CSE1L: variants seen among roughly 807,000 people sequenced by gnomAD.
CSE1L encodes chromosome segregation 1 like, also known as exportin-2.
In CSE1L, 24 loss-of-function variants were observed where a neutral mutation model predicts 120.4. The ratio of observed to expected loss-of-function variants is 0.20; its 90% CI spans 0.14 to 0.28. CSE1L has a LOEUF of 0.28. Among genes scored for constraint, CSE1L ranks in the 10% least tolerant of loss-of-function variants. The pLI is 1.00. For missense variants in CSE1L, 830 were observed against 1,145.2 expected, an observed-to-expected ratio of 0.72 and a Z score of 3.97; for synonymous variants, 402 against 398.3, an observed-to-expected ratio of 1.01 and a Z score of -0.11.
rs1409346355 is a variant in CSE1L at position 49,066,497 on chromosome 20, T to G, written c.463T>G (p.Ser155Ala). Residue 155 changes from serine to alanine, a missense_variant, in exon 5 of 25, where the codon TCA becomes GCA. Coordinates refer to ENST00000262982, the MANE Select transcript of CSE1L (RefSeq NM_001316.4). ...VINGVLRTAH[S>A]LFKRYRHEFK... Reference sequence around the variant, plus strand: ...TAATGGAGTCCTCCGTACAGCACATTCATTATTTAAAAGGTATTGATGCAT... The same window carrying G: ...TAATGGAGTCCTCCGTACAGCACATGCATTATTTAAAAGGTATTGATGCAT... 6.2e-7 allele frequency: 1 copy of G among 1,610,852 alleles called. No individual in the cohort carries two copies. The highest frequency in any genetic ancestry group is 8.5e-7 in the Non-Finnish European group (1 of 1,178,926).
At chr20:49,093,805 TACTC>T (rs1452483669) in intron 22 of CSE1L, among the ~76,000 whole-genome samples, 3 of 151,822 alleles carry the variant, frequency 2.0e-5, no homozygotes, top group African/African-American at 7.3e-5. Flanking sequence ...TAATCCCACC[TACTC>T]AGGGGGCTGA....
At chr20:49,061,362 C>T (rs2091851485) in intron 2 of CSE1L, among the ~76,000 whole-genome samples, 1 of 150,780 alleles carries the variant, frequency 6.6e-6, no homozygotes, top group Non-Finnish European at 1.5e-5. Flanking sequence ...TTAGTAGAGA[C>T]AGGGTTTCAC....
chr20:49,062,203 C>T (rs934099450), intron 2 of CSE1L, among the ~76,000 whole-genome samples: 18 of 152,232 alleles, frequency 1.2e-4, no homozygotes, highest in Admixed American at 7.2e-4. Context: ...ATAGTATGTC[C>T]CCTCCTGAAA....
intron 24 of CSE1L, among the ~76,000 whole-genome samples, chr20:49,095,735 T>C (rs370514648): frequency 2.0e-5 from 3 of 152,144 alleles, no homozygotes; most frequent in Admixed American, 6.6e-5. Context: ...TGATAAAATA[T>C]ATATTTTTCA....
intron 14 of CSE1L, among the ~76,000 whole-genome samples, chr20:49,080,400 T>C (rs942813593): frequency 6.6e-6 from 1 of 152,050 alleles, no homozygotes; most frequent in African/African-American, 2.4e-5. Context: ...TTTTTAATGA[T>C]GTTAAGACAG....
intron 13 of CSE1L, among the ~76,000 whole-genome samples, 167 bp downstream of exon 13, chr20:49,077,231 C>T (rs1181354446): frequency 6.8e-6 from 1 of 146,650 alleles, no homozygotes; most frequent in Non-Finnish European, 1.5e-5. Context: ...ACAGTCTCTG[C>T]TCACTGCAAC....
In CSE1L at chr20:49,092,442, T is replaced by G. The variant is rs546858871; in HGVS notation, c.2447+315T>G. Among the ~76,000 whole-genome samples, 4 of 152,070 alleles carry G rather than the reference T, an allele frequency of 2.6e-5. No individual in the cohort carries two copies. In the East Asian group the frequency reaches 7.7e-4, roughly 29 times the overall value. On this transcript the variant is annotated intron_variant, in intron 22 of 24. Transcript: ENST00000262982. Reference sequence around the variant, plus strand: ...AAACACCCTGGAATCATTGTTCTAATCCTCTAGATTAGAGGACCATCTACT... The same window carrying G: ...AAACACCCTGGAATCATTGTTCTAAGCCTCTAGATTAGAGGACCATCTACT...
At position 49,077,153 on chromosome 20, in the gene CSE1L, C is replaced by CTTTTTT. The variant is rs11439721; in HGVS notation, c.1420+103_1420+108dup. The CTTTTTT allele has an allele frequency of 1.7e-4, 68 of 402,510 alleles. 1 individual carries two copies. Among genetic ancestry groups the CTTTTTT allele is most frequent in the African/African-American group, 3.1e-4 (12 of 38,546 alleles). The allele number at this position is 402,510 out of a possible 1,614,324, so 24.9% of individuals were successfully genotyped here. On this transcript the variant is annotated intron_variant, in intron 13 of 24. Transcript: ENST00000262982. ...CTTCCTATCCTTGTTCCCTTTTGTTCTTTTTTTTTTTTTTTTTTTCTTTTG... is the reference window on the plus strand; with the variant it reads ...CTTCCTATCCTTGTTCCCTTTTGTTCTTTTTTTTTTTTTTTTTTTTTTTTTCTTTTG...
chr20:49,049,611 C>T (rs1296629102), intron 1 of CSE1L, among the ~76,000 whole-genome samples: 1 of 152,082 alleles, frequency 6.6e-6, no homozygotes, highest in Non-Finnish European at 1.5e-5. Flanking sequence ...AGAGCTTGAT[C>T]TTGTTGATAA....
intron 8 of CSE1L, among the ~76,000 whole-genome samples, chr20:49,071,185 G>T (rs1017088816): frequency 2.6e-5 from 4 of 152,198 alleles, no homozygotes; most frequent in Non-Finnish European, 4.4e-5. Context: ...CAGGTTTTAA[G>T]AGTGGGGTAC....
chr20:49,078,531 G>GTAAC, intron 13 of CSE1L, 30 bp from the exon 14 acceptor site: 1 of 1,485,692 alleles, frequency 6.7e-7, no homozygotes, highest in Non-Finnish European at 9.2e-7. Context: ...TACCACTTAA[G>GTAAC]TAACTGTGGC....
rs565054477 is a variant in CSE1L at position 49,094,973 on chromosome 20, T to C, written c.2826+10T>C. On this transcript the variant is annotated intron_variant, in intron 24 of 24. Coordinates refer to ENST00000262982, the MANE Select transcript of CSE1L (RefSeq NM_001316.4). ...CGCCTGTCCAGGAAGGGTAAGTGTG[T>C]TGTCAAAGAACTCTGTGATAAATGG... The C allele has an allele frequency of 5.0e-6, 8 of 1,605,190 alleles. No homozygotes were observed. In the African/African-American group the frequency reaches 8.0e-5, roughly 16 times the overall value.
At position 49,096,554 on chromosome 20, in the gene CSE1L, C is replaced by CTTA; in HGVS notation, c.*118_*119insATT. On this transcript the variant is annotated 3_prime_UTR_variant, in exon 25 of 25. Coordinates refer to ENST00000262982, the MANE Select transcript of CSE1L (RefSeq NM_001316.4). ...CTTTTGAACTTGTCACGAATTCCAT[C>CTTA]TTGTAAAGGATATTAAATGTTGCTT... 6 of 768,392 alleles carry CTTA rather than the reference C, an allele frequency of 7.8e-6. No homozygotes were observed. The South Asian group carries it at 9.7e-5, about 12-fold the overall frequency. 47.6% of individuals were successfully genotyped at this position (768,392 alleles called of 1,614,324 possible).
At chr20:49,076,623 G>A (rs2426117) in intron 12 of CSE1L, among the ~76,000 whole-genome samples, 53,454 of 144,012 alleles carry the variant, frequency 0.37, 10,329 homozygotes, top group African/African-American at 0.53. Flanking sequence ...TCTGCCTCCC[G>A]GGTTCAAGCA....
At chr20:49,052,629 T>A (rs558990276) in intron 1 of CSE1L, among the ~76,000 whole-genome samples, 1 of 152,140 alleles carries the variant, frequency 6.6e-6, no homozygotes, top group Admixed American at 6.5e-5. Context: ...GTGGTGGTGG[T>A]GGTGGTGGTT....
chr20:49,078,589 C>A lies in CSE1L; in HGVS notation c.1449C>A (p.Asp483Glu). The change falls in exon 14 of 25, where the codon GAC becomes GAA. Residue 483 changes from aspartate to glutamate, a missense_variant. Asp to Glu is a conservative substitution (Grantham distance 45). This residue lies in a region of CSE1L where 543 missense variants were observed against 640.2 expected (regional missense o/e 0.85). Coordinates refer to ENST00000262982, the MANE Select transcript of CSE1L (RefSeq NM_001316.4). ...NVNEFPVLKA[D>E]GIKYIMIFRN... ...ATGAATTTCCTGTCCTTAAAGCTGA[C>A]GGTATCAAATATATTATGATTTTTA... is the stretch of plus-strand genomic sequence containing the variant. 2 of 1,571,190 alleles carry A rather than the reference C, an allele frequency of 1.3e-6. No individual in the cohort carries two copies. Among genetic ancestry groups the A allele is most frequent in the Non-Finnish European group, 1.7e-6 (2 of 1,158,318 alleles).
chr20:49,065,586 A>AT (rs1169151375), intron 3 of CSE1L, among the ~76,000 whole-genome samples: 18,722 of 76,258 alleles, frequency 0.25, 4,526 homozygotes, highest in African/African-American at 0.32. Context: ...TAAAATGGAA[A>AT]TTTTTTTTTT....
chr20:49,063,694 A>G (rs1457708113), intron 3 of CSE1L, among the ~76,000 whole-genome samples: 2 of 152,214 alleles, frequency 1.3e-5, no homozygotes, highest in Admixed American at 6.5e-5. Flanking sequence ...ACTTGGTCTT[A>G]ATCTCCATTA....
intron 24 of CSE1L, among the ~76,000 whole-genome samples, chr20:49,095,701 A>T (rs558345146): frequency 6.6e-6 from 1 of 152,166 alleles, no homozygotes; most frequent in Non-Finnish European, 1.5e-5. Context: ...GTCAGCACTT[A>T]TTATAGAGTT....
Sources: gnomAD v4.1 joint callset for allele counts (sites outside exome capture counted in the v4.1 genomes callset) on GRCh38, gnomAD v4.1.1 for gene constraint, gnomAD v4.1.1 regional missense constraint, MANE v1.5 for transcripts, NCBI Gene and HGNC (gene_info 2026-07-23, HGNC 2026-07-21) for gene names.